The following H6PD variants were observed in gnomAD, a reference collection of about 807,000 sequenced individuals.
H6PD encodes hexose-6-phosphate dehydrogenase/glucose 1-dehydrogenase, also known as GDH/6PGL endoplasmic bifunctional protein.
H6PD carries 48 observed loss-of-function variants against 61.2 expected under a neutral mutation model. The observed-to-expected ratio is 0.78, with a 90% CI of 0.62 to 1.00. H6PD has a LOEUF of 1.00. Among genes scored for constraint, H6PD ranks in the 50% least tolerant of loss-of-function variants. The probability of loss-of-function intolerance (pLI) is 0.00; values close to 1 mark genes in which losing one functional copy is unlikely to be tolerated. For missense variants in H6PD, 1,093 were observed against 1,065.0 expected (o/e 1.03, Z -0.37); for synonymous variants, 480 against 457.9 (o/e 1.05, Z -0.62).
At chr1:9,235,306 G>A (rs1640821231) in intron 1 of H6PD, among the ~76,000 whole-genome samples, 4 of 152,114 alleles carry the variant, frequency 2.6e-5, no homozygotes, top group African/African-American at 7.2e-5. Context: ...GGGGAACTCC[G>A]AGATTTCCCC....
intron 3 of H6PD, among the ~76,000 whole-genome samples, chr1:9,258,260 T>C (rs28548609): frequency 2.8e-4 from 17 of 60,410 alleles, no homozygotes; most frequent in Admixed American, 4.1e-4. Flanking sequence ...TGTTGTTACA[T>C]CAGTGTTGTT....
In H6PD at chr1:9,245,095, C is replaced by T. The variant is rs140077792; in HGVS notation, c.161C>T (p.Ala54Val). The T allele has an allele frequency of 6.6e-5, 106 of 1,614,150 alleles. No individual in the cohort carries two copies. Among genetic ancestry groups the T allele is most frequent in the Middle Eastern group, 3.3e-4 (2 of 6,062 alleles). Residue 54 changes from alanine (A) to valine (V), a missense_variant, in exon 2 of 5, where the codon GCG becomes GTG. Ala to Val is a moderately conservative substitution (Grantham distance 64). Transcript: ENST00000377403. The surrounding 1 kb of genome is among the most constrained non-coding windows in gnomAD (Gnocchi z 4.8). Reference sequence around the variant, plus strand: ...CTGTTCCAGCTGTACCTGGATGAAGCGGGGAGGGGTCACAGTTTTAGCTTC... The same window carrying T: ...CTGTTCCAGCTGTACCTGGATGAAGTGGGGAGGGGTCACAGTTTTAGCTTC... ...QGLFQLYLDEAGRGHSFSFHG... is the reference protein window; with the variant it reads ...QGLFQLYLDEVGRGHSFSFHG...
intron 3 of H6PD, among the ~76,000 whole-genome samples, chr1:9,259,159 T>G (rs914225806): frequency 8.5e-5 from 13 of 152,152 alleles, no homozygotes; most frequent in African/African-American, 3.1e-4. Flanking sequence ...GCCCAGCTAA[T>G]TTTTTGTATT....
At chr1:9,243,883 G>A (rs1641078900) in intron 1 of H6PD, among the ~76,000 whole-genome samples, 2 of 147,202 alleles carry the variant, frequency 1.4e-5, no homozygotes, top group Admixed American at 6.7e-5. Context: ...CGGTGGGAGG[G>A]GGGGTCTGAC....
In H6PD at chr1:9,263,842, G is replaced by A. The variant is rs2100400494; in HGVS notation, c.1349G>A (p.Ser450Asn). The change falls in exon 5 of 5, where the codon AGC becomes AAC. Residue 450 changes from serine to asparagine, a missense_variant. Transcript: ENST00000377403. Reference sequence around the variant, plus strand: ...CCTCTGTCCGATTACTACGCCTACAGCCCTGTGCGGGAGCGGGACGCCCAC... The same window carrying A: ...CCTCTGTCCGATTACTACGCCTACAACCCTGTGCGGGAGCGGGACGCCCAC... ...GSPLSDYYAY[S>N]PVRERDAHSV... The A allele has an allele frequency of 1.9e-6, 3 of 1,613,956 alleles. No individual in the cohort carries two copies. Among genetic ancestry groups the A allele is most frequent in the South Asian group, 1.1e-5 (1 of 91,082 alleles).
In H6PD at chr1:9,264,264, G is replaced by C; in HGVS notation, c.1771G>C (p.Gly591Arg). 6.2e-7 allele frequency: 1 copy of C among 1,609,886 alleles called. No homozygotes were observed. The highest frequency in any genetic ancestry group is 8.5e-7 in the Non-Finnish European group (1 of 1,179,338). Residue 591 changes from glycine (G) to arginine (R), a missense_variant, in exon 5 of 5, where the codon GGG (glycine) becomes CGG (arginine). Gly to Arg is a moderately radical substitution (Grantham distance 125, BLOSUM62 -2). Transcript: ENST00000377403. ...RFGQFHLALS[G>R]GSSPVALFQQ... ...TGGCCAGTTCCACCTGGCACTGTCG[G>C]GGGGCTCGAGCCCCGTGGCCCTGTT...
rs780289540 is a variant in H6PD at position 9,263,638 on chromosome 1, G to A, written c.1145G>A (p.Ser382Asn). Residue 382 changes from serine to asparagine, a missense_variant, in exon 5 of 5, where the codon AGC (serine) becomes AAC (asparagine). Transcript: ENST00000377403. ...AAGAACCAGGCCTGCTGTGTGCAGA[G>A]CGAAAAGCACTGGGCCGCGGCGCAG... ...LFKNQACCVQ[S>N]EKHWAAAQSQ... 6 of 1,614,246 alleles carry A rather than the reference G, an allele frequency of 3.7e-6. No individual in the cohort carries two copies. The highest frequency in any genetic ancestry group is 1.6e-4 in the Middle Eastern group (1 of 6,062).
chr1:9,242,678 A>C (rs1480057288), intron 1 of H6PD: 5 of 985,312 alleles, frequency 5.1e-6, no homozygotes, highest in African/African-American at 1.7e-5. Context: ...GGGCTCCCCC[A>C]CCTGCCCATG....
chr1:9,253,647 G>C (rs1448684001), intron 3 of H6PD, among the ~76,000 whole-genome samples: 1 of 152,196 alleles, frequency 6.6e-6, no homozygotes. Context: ...TTTATCTCCA[G>C]TGTGCGTTGT....
chr1:9,240,563 T>C (rs371938765), intron 1 of H6PD, among the ~76,000 whole-genome samples: 1 of 152,210 alleles, frequency 6.6e-6, no homozygotes, highest in African/African-American at 2.4e-5. Context: ...GTTATGTGGT[T>C]GTTTAGAGGC....
chr1:9,263,968 GCC>G lies in H6PD; in HGVS notation c.1476_1477del (p.Leu493GlyfsTer3). 1 of 1,614,226 alleles carries G rather than the reference GCC, an allele frequency of 6.2e-7. No homozygotes were observed. The highest frequency in any genetic ancestry group is 8.5e-7 in the Non-Finnish European group (1 of 1,180,042). On this transcript the variant is annotated frameshift_variant, in exon 5 of 5. Coordinates refer to ENST00000377403, the MANE Select transcript of H6PD (RefSeq NM_004285.4). LOFTEE classifies it high-confidence loss of function. ...AACTTCTGGACCCCTCTGCTGGAGA[GCC>G]TGGCCCATAAGGCCCCACGCCTCTA...
intron 1 of H6PD, 117 bp downstream of exon 1, chr1:9,235,183 C>A (rs1004073366): frequency 1.3e-5 from 2 of 151,974 alleles, no homozygotes; most frequent in African/African-American, 2.4e-5. Context: ...CCCACGGAGC[C>A]TGGGGCTGGC....
intron 3 of H6PD, among the ~76,000 whole-genome samples, chr1:9,260,490 C>T (rs1641689916): frequency 6.6e-6 from 1 of 151,616 alleles, no homozygotes. Context: ...TGCTGTTACG[C>T]CAGTGTTGTT....
At chr1:9,238,076 G>A (rs868743007) in intron 1 of H6PD, among the ~76,000 whole-genome samples, 1 of 152,048 alleles carries the variant, frequency 6.6e-6, no homozygotes, top group Non-Finnish European at 1.5e-5. Flanking sequence ...GGGGGTGGGC[G>A]GTTTACAATT....
At chr1:9,248,792 C>A (rs72855967) in intron 3 of H6PD, among the ~76,000 whole-genome samples, 1 of 152,158 alleles carries the variant, frequency 6.6e-6, no homozygotes, top group African/African-American at 2.4e-5. Flanking sequence ...TCAGAACCCA[C>A]AGCAGAAAAG....
intron 1 of H6PD, chr1:9,239,929 C>G (rs966395316): frequency 8.8e-7 from 1 of 1,138,718 alleles, no homozygotes; most frequent in Non-Finnish European, 1.1e-6. Context: ...ACGCCTCTTC[C>G]GCTTGTGTGA....
intron 3 of H6PD, among the ~76,000 whole-genome samples, chr1:9,247,812 G>A (rs1206969616): frequency 2.0e-5 from 3 of 146,656 alleles, no homozygotes; most frequent in Non-Finnish European, 3.0e-5. Context: ...AGCATGTCCT[G>A]TCGGTGAGGA....
chr1:9,247,970 C>T (rs1641238412), intron 3 of H6PD, among the ~76,000 whole-genome samples: 2 of 152,210 alleles, frequency 1.3e-5, no homozygotes, highest in Non-Finnish European at 2.9e-5. Flanking sequence ...GTGAGGTGGG[C>T]GCTGTTACTA....
At chr1:9,240,124 T>A in intron 1 of H6PD, 1 of 577,764 alleles carries the variant, frequency 1.7e-6, no homozygotes, top group Non-Finnish European at 2.6e-6. Flanking sequence ...GCCCTGGCTC[T>A]AAGATGAGCC....
Sources: allele counts gnomAD v4.1 joint callset (sites outside exome capture counted in the v4.1 genomes callset), GRCh38; gene constraint gnomAD v4.1.1; non-coding constraint Gnocchi (gnomAD v3.1); transcripts MANE v1.5; gene names NCBI Gene and HGNC (gene_info 2026-07-23, HGNC 2026-07-21).